The following PLEKHM3 variants were observed in gnomAD, a reference collection of about 807,000 sequenced individuals.
PLEKHM3 encodes the protein pleckstrin homology domain-containing family M member 3.
PLEKHM3 carries 45 observed loss-of-function variants against 81.8 expected under a neutral mutation model. The observed-to-expected ratio is 0.55, with a 90% CI of 0.43 to 0.71. The LOEUF is 0.71. Ranked by LOEUF, PLEKHM3 falls within the 30% of genes least tolerant of loss-of-function variation. PLEKHM3 has a pLI of 0.00. For missense variants in PLEKHM3, 788 were observed against 924.3 expected, an observed-to-expected ratio of 0.85 and a Z score of 1.91; for synonymous variants, 352 against 356.4, an observed-to-expected ratio of 0.99 and a Z score of 0.14.
intron 1 of PLEKHM3, among the ~76,000 whole-genome samples, chr2:208,016,354 T>G (rs576342543): frequency 1.3e-5 from 2 of 151,916 alleles, no homozygotes; most frequent in Non-Finnish European, 2.9e-5. Flanking sequence ...TACTAAAAGA[T>G]GATATGCTGG....
chr2:208,018,145 C>A (rs568545655), intron 1 of PLEKHM3, among the ~76,000 whole-genome samples: 1 of 152,096 alleles, frequency 6.6e-6, no homozygotes, highest in South Asian at 2.1e-4. Flanking sequence ...GAGGCCAAGG[C>A]GGGTGGATCA....
chr2:207,823,881 C>G lies in PLEKHM3; in HGVS notation c.*4438G>C, dbSNP rs1424996586. 1 of 152,160 alleles carries G rather than the reference C, an allele frequency of 6.6e-6. No homozygotes were observed. The highest frequency in any genetic ancestry group is 1.5e-5 in the Non-Finnish European group (1 of 68,044). 9.4% of individuals were successfully genotyped at this position (152,160 alleles called of 1,614,324 possible). ...CCATTAAAACGCACTAAGGAAAGACCCTTGAGTCAGAGATTTTTGAATCCA... is the reference window on the plus strand; with the variant it reads ...CCATTAAAACGCACTAAGGAAAGACGCTTGAGTCAGAGATTTTTGAATCCA... On this transcript the variant is annotated 3_prime_UTR_variant, in exon 8 of 8. Transcript: ENST00000427836.
At chr2:207,865,801 A>AAATATATATATAT in intron 6 of PLEKHM3, among the ~76,000 whole-genome samples, 1 of 25,286 alleles carries the variant, frequency 4.0e-5, no homozygotes, top group African/African-American at 2.1e-4. Context: ...AAAAAAAAAA[A>AAATATATATATAT]AGATATATAT....
At chr2:207,966,274 G>A (rs1010997104) in intron 3 of PLEKHM3, among the ~76,000 whole-genome samples, 10 of 152,174 alleles carry the variant, frequency 6.6e-5, no homozygotes, top group Admixed American at 2.6e-4. Flanking sequence ...CAAGTTAAAT[G>A]ACTTGTCTTA....
chr2:207,893,369 G>A (rs953079342), intron 6 of PLEKHM3, among the ~76,000 whole-genome samples: 3 of 152,192 alleles, frequency 2.0e-5, no homozygotes, highest in Non-Finnish European at 4.4e-5. Context: ...TGTGACCACT[G>A]ACTAAAAGCT....
chr2:207,897,213 C>T (rs1018321993), intron 6 of PLEKHM3, among the ~76,000 whole-genome samples: 2 of 152,136 alleles, frequency 1.3e-5, no homozygotes, highest in African/African-American at 4.8e-5. Flanking sequence ...TAGCAGGTTT[C>T]TATGGCCTAG....
rs1163252063 is a variant in PLEKHM3, at chr2:207,976,784, G to T, written c.1413C>A (p.Asn471Lys). 6.2e-7 allele frequency: 1 copy of T among 1,614,128 alleles called. No individual in the cohort carries two copies. The highest frequency in any genetic ancestry group is 1.3e-5 in the African/African-American group (1 of 74,938). Residue 471 changes from asparagine (N) to lysine (K), a missense_variant, in exon 3 of 8, where the codon AAC (asparagine) becomes AAA (lysine). Physicochemically the swap from Asn to Lys is moderately conservative, Grantham distance 94 (BLOSUM62 0). Coordinates refer to ENST00000427836, the MANE Select transcript of PLEKHM3 (RefSeq NM_001080475.3). The surrounding 1 kb of genome is among the most constrained non-coding windows in gnomAD (Gnocchi z 4.1). ...GCCCACCCATTTGATCCTTGGGTTT[G>T]TTCCTCAGTGTGACTTGCAGGTTTT... ...SEQNLQVTLR[N>K]KPKDQMGGHE...
intron 6 of PLEKHM3, chr2:207,900,582 T>C (rs1688389728): frequency 6.6e-6 from 1 of 152,216 alleles, no homozygotes; most frequent in Admixed American, 6.5e-5. Flanking sequence ...GTCAGATGTA[T>C]TCCCCAAGTA....
At position 207,976,738 on chromosome 2, in the gene PLEKHM3, G is replaced by A. The variant is rs200329503; in HGVS notation, c.1459C>T (p.Arg487Cys). The stretch of plus-strand genomic sequence containing the variant: ...AGGAAGCTGGTAGTCACAGATTGGC[G>A]TTTGTTCTTCCTGAGTTCATGCCCA... Reference protein sequence around the residue: ...MGGHELRKNKRQSVTTSFLSI... With the variant: ...MGGHELRKNKCQSVTTSFLSI... Residue 487 changes from arginine to cysteine, a missense_variant, in exon 3 of 8, where the codon CGC becomes TGC. Coordinates refer to ENST00000427836, the MANE Select transcript of PLEKHM3 (RefSeq NM_001080475.3). This position sits in a 1 kb window ranked among gnomAD's most constrained non-coding sequence, Gnocchi z 4.1. 100 of 1,614,214 alleles carry A rather than the reference G, an allele frequency of 6.2e-5. No homozygotes were observed. In the South Asian group the frequency reaches 6.9e-4, roughly 11 times the overall value.
At chr2:207,882,559 C>A (rs1687730744) in intron 6 of PLEKHM3, among the ~76,000 whole-genome samples, 1 of 149,312 alleles carries the variant, frequency 6.7e-6, no homozygotes, top group South Asian at 2.1e-4. Flanking sequence ...TTGCAGTGAG[C>A]CCAGATCGCG....
At chr2:207,833,114 A>G (rs888664645) in intron 7 of PLEKHM3, among the ~76,000 whole-genome samples, 67 of 147,312 alleles carry the variant, frequency 4.5e-4, no homozygotes, top group African/African-American at 1.6e-3. Flanking sequence ...ACCATCTCAA[A>G]AAAAAAAAAA....
chr2:207,953,253 G>A (rs1276665493), intron 3 of PLEKHM3, among the ~76,000 whole-genome samples: 1 of 152,192 alleles, frequency 6.6e-6, no homozygotes, highest in African/African-American at 2.4e-5. Flanking sequence ...AAGCCTTTAA[G>A]TCCCTTCATA....
chr2:207,856,358 G>A (rs1161590307), intron 7 of PLEKHM3, among the ~76,000 whole-genome samples: 1 of 152,138 alleles, frequency 6.6e-6, no homozygotes, highest in Non-Finnish European at 1.5e-5. Flanking sequence ...GGCTCACTCT[G>A]TGATGTATGA....
intron 1 of PLEKHM3, among the ~76,000 whole-genome samples, chr2:208,018,894 T>G (rs911650771): frequency 6.6e-6 from 1 of 151,706 alleles, no homozygotes; most frequent in African/African-American, 2.4e-5. Flanking sequence ...CCACTCTATA[T>G]CTACATATAA....
At chr2:207,891,543 T>C (rs924876493) in intron 6 of PLEKHM3, among the ~76,000 whole-genome samples, 2 of 152,210 alleles carry the variant, frequency 1.3e-5, no homozygotes, top group African/African-American at 4.8e-5. Flanking sequence ...TAAACTGCTT[T>C]TCAGAGGCCA....
chr2:207,983,628 T>G lies in PLEKHM3; in HGVS notation c.611-6042A>C, dbSNP rs149641480. On this transcript the variant is annotated intron_variant, in intron 2 of 7. Coordinates refer to ENST00000427836, the MANE Select transcript of PLEKHM3 (RefSeq NM_001080475.3). ...ACAGAACTATTTCTCCATTGCTTTCTACTGTGGCTAATACAAAGACTTGGT... is the reference window on the plus strand; with the variant it reads ...ACAGAACTATTTCTCCATTGCTTTCGACTGTGGCTAATACAAAGACTTGGT... Among the ~76,000 whole-genome samples the G allele has an allele frequency of 6.8e-4, 103 of 152,144 alleles. 2 individuals are homozygous for G. The East Asian group carries it at 0.019, about 28-fold the overall frequency.
intron 5 of PLEKHM3, among the ~76,000 whole-genome samples, chr2:207,925,354 G>A (rs865829640): frequency 2.1e-4 from 32 of 151,918 alleles, no homozygotes; most frequent in Middle Eastern, 6.8e-3. Context: ...CTGAATCCCA[G>A]GCTCTTGGAT....
At chr2:207,916,522 C>T (rs776798356) in intron 5 of PLEKHM3, among the ~76,000 whole-genome samples, 25 of 151,986 alleles carry the variant, frequency 1.6e-4, no homozygotes, top group Non-Finnish European at 3.1e-4. Flanking sequence ...GATAGATCAC[C>T]TGAGGTCAGG....
intron 6 of PLEKHM3, among the ~76,000 whole-genome samples, chr2:207,889,432 T>TC (rs2105867725): frequency 1.1e-5 from 1 of 89,866 alleles, no homozygotes; most frequent in Non-Finnish European, 2.3e-5. Flanking sequence ...GAGGTTTTTT[T>TC]CAACACACAC....
Sources: gnomAD v4.1 joint callset for allele counts (sites outside exome capture counted in the v4.1 genomes callset) on GRCh38, gnomAD v4.1.1 for gene constraint, Gnocchi (gnomAD v3.1) non-coding constraint, MANE v1.5 for transcripts, NCBI Gene and HGNC (gene_info 2026-07-23, HGNC 2026-07-21) for gene names.